The following SMAD7 variants were observed in gnomAD, a reference collection of about 807,000 sequenced individuals.
The protein encoded by SMAD7 is MAD (mothers against decapentaplegic, Drosophila) homolog 7.
A neutral mutation model predicts 38.7 loss-of-function variants in SMAD7; 8 were observed. The ratio of observed to expected loss-of-function variants is 0.21; its 90% CI spans 0.12 to 0.37. The LOEUF (loss-of-function observed/expected upper bound fraction) is 0.37, where lower values mean the gene tolerates loss of function less well. Among genes scored for constraint, SMAD7 ranks in the 10% least tolerant of loss-of-function variants. The pLI is 1.00. For synonymous variants in SMAD7, 327 were observed against 265.1 expected (o/e 1.23, Z -2.27); for missense variants, 477 against 577.9 (o/e 0.83, Z 1.79).
At position 48,920,030 on chromosome 18, in the gene SMAD7, T is replaced by A. The variant is rs2069837166; in HGVS notation, c.*1342A>T. The A allele has an allele frequency of 6.6e-6, 1 of 152,614 alleles. No homozygotes were observed. The highest frequency in any genetic ancestry group is 2.1e-4 in the South Asian group (1 of 4,836). The allele number at this position is 152,614 out of a possible 1,614,324, so 9.5% of individuals were successfully genotyped here. A position where few individuals can be genotyped will look rare whatever the true frequency, so the allele number is the denominator to read the frequency against. On this transcript the variant is annotated 3_prime_UTR_variant, in exon 4 of 4. Transcript: ENST00000262158. The stretch of plus-strand genomic sequence containing the variant: ...GCATCTTTTCTTTATTTTTCTTGTT[T>A]ATACACATTGCACAATACATAAATA...
rs2143824848 is a variant in SMAD7, at chr18:48,949,311, C to A, written c.613+501G>T. The A allele has an allele frequency of 5.1e-6, 5 of 983,066 alleles. No homozygotes were observed. The South Asian group carries it at 1.9e-4, about 37-fold the overall frequency. 60.9% of individuals were successfully genotyped at this position (983,066 alleles called of 1,614,324 possible). On this transcript the variant is annotated intron_variant, in intron 1 of 3. Coordinates refer to ENST00000262158, the MANE Select transcript of SMAD7 (RefSeq NM_005904.4). ...CGACAGTATCTGGGCCACTGGTGTTCGACGTGATTCTCCGTATTTACTAAA... is the reference window on the plus strand; with the variant it reads ...CGACAGTATCTGGGCCACTGGTGTTAGACGTGATTCTCCGTATTTACTAAA...
At chr18:48,923,684 C>T (rs934772098) in intron 3 of SMAD7, among the ~76,000 whole-genome samples, 2 of 152,146 alleles carry the variant, frequency 1.3e-5, no homozygotes, top group Non-Finnish European at 2.9e-5. Context: ...TCATTCCTTT[C>T]CCTCAACCCC....
Position 48,921,092 on chromosome 18 carries a change from T to C in SMAD7, c.*280A>G, listed in dbSNP as rs1210821055. ...CTTCATACACTGTGTTTGGTGGTGC[T>C]TGGATTTCTGCTTCCCCTCTTCCTA... On this transcript the variant is annotated 3_prime_UTR_variant, in exon 4 of 4. Coordinates refer to ENST00000262158, the MANE Select transcript of SMAD7 (RefSeq NM_005904.4). This position sits in a 1 kb window ranked among gnomAD's most constrained non-coding sequence, Gnocchi z 6.4. 8.7e-6 allele frequency: 4 copies of C among 457,646 alleles called. No individual in the cohort carries two copies. The highest frequency in any genetic ancestry group is 8.0e-5 in the South Asian group (3 of 37,456). The allele number at this position is 457,646 out of a possible 1,614,324, so 28.3% of individuals were successfully genotyped here.
chr18:48,945,473 C>G (rs928509281), intron 2 of SMAD7, among the ~76,000 whole-genome samples: 3 of 152,124 alleles, frequency 2.0e-5, no homozygotes, highest in African/African-American at 7.2e-5. Flanking sequence ...AAAAAAAGAA[C>G]ACAGCACTGC....
chr18:48,939,373 C>A, intron 3 of SMAD7, among the ~76,000 whole-genome samples: 1 of 142,670 alleles, frequency 7.0e-6, no homozygotes, highest in African/African-American at 2.6e-5. Context: ...TGTCGTCTAC[C>A]CACCCCCCCA....
chr18:48,949,141 G>T, intron 1 of SMAD7: 1 of 246,854 alleles, frequency 4.1e-6, no homozygotes, highest in Non-Finnish European at 6.5e-6. Context: ...CTGTGCGGAA[G>T]GAAGGAAAAA....
rs561511500 is a variant in SMAD7, at chr18:48,927,064, A to G, written c.743-5154T>C. On this transcript the variant is annotated intron_variant, in intron 3 of 3. Coordinates refer to ENST00000262158, the MANE Select transcript of SMAD7 (RefSeq NM_005904.4). The stretch of plus-strand genomic sequence containing the variant: ...TTTAAGGGGCTGTCTCTAATCCACC[A>G]TGCTCACAGCCTCATCCAAAAGAGG... 6.6e-5 allele frequency among the ~76,000 whole-genome samples: 10 copies of G among 152,288 alleles called. 1 individual carries two copies. The South Asian group carries it at 2.1e-3, about 32-fold the overall frequency.
intron 3 of SMAD7, among the ~76,000 whole-genome samples, chr18:48,940,509 G>A (rs2070125105): frequency 6.6e-6 from 1 of 152,176 alleles, no homozygotes; most frequent in Admixed American, 6.5e-5. Flanking sequence ...TCAGCACTTG[G>A]GGAGGAAAGG....
At chr18:48,925,126 G>T (rs924111700) in intron 3 of SMAD7, among the ~76,000 whole-genome samples, 2 of 152,242 alleles carry the variant, frequency 1.3e-5, no homozygotes, top group African/African-American at 4.8e-5. Flanking sequence ...GACTAAGGAA[G>T]AGCCTTGGCC....
At chr18:48,929,516 TTC>T (rs141923602) in intron 3 of SMAD7, among the ~76,000 whole-genome samples, 17 of 144,214 alleles carry the variant, frequency 1.2e-4, no homozygotes, top group South Asian at 2.2e-4. Flanking sequence ...TGCTGATTCA[TTC>T]TCTCTCTCTC....
rs753742300 is a variant in SMAD7 at position 48,921,333 on chromosome 18, T to C, written c.*39A>G. ...ATTAGCAGCAAAGTAGTTTGAAGTG[T>C]GGCCTGCTCAGCTCACGCTCTGTCC... On this transcript the variant is annotated 3_prime_UTR_variant, in exon 4 of 4. Coordinates refer to ENST00000262158, the MANE Select transcript of SMAD7 (RefSeq NM_005904.4). The surrounding 1 kb of genome is among the most constrained non-coding windows in gnomAD (Gnocchi z 6.4). 7 of 1,543,162 alleles carry C rather than the reference T, an allele frequency of 4.5e-6. No individual in the cohort carries two copies. In the South Asian group the frequency reaches 6.0e-5, roughly 13 times the overall value.
intron 2 of SMAD7, among the ~76,000 whole-genome samples, chr18:48,943,028 G>A (rs2070159577): frequency 6.6e-6 from 1 of 152,194 alleles, no homozygotes; most frequent in East Asian, 1.9e-4. Context: ...ATGTTGGGCT[G>A]CCGGGACTTC....
intron 3 of SMAD7, among the ~76,000 whole-genome samples, chr18:48,933,973 C>CT (rs1312969486): frequency 6.6e-6 from 1 of 152,228 alleles, no homozygotes; most frequent in Non-Finnish European, 1.5e-5. Flanking sequence ...ACACAGGTCT[C>CT]TTTCTTTCTG....
chr18:48,941,546 T>G (rs1278534183), intron 3 of SMAD7, among the ~76,000 whole-genome samples: 3 of 152,180 alleles, frequency 2.0e-5, no homozygotes, highest in East Asian at 3.9e-4. Context: ...ACAGCTTCTA[T>G]TCGAGCTGCT....
chr18:48,944,667 C>T (rs572412578), intron 2 of SMAD7, among the ~76,000 whole-genome samples: 32 of 152,334 alleles, frequency 2.1e-4, no homozygotes, highest in Middle Eastern at 3.4e-3. Context: ...TACCCTCTTT[C>T]CTGGAGGTGG....
At chr18:48,943,173 G>C (rs1181492899) in intron 2 of SMAD7, among the ~76,000 whole-genome samples, 1 of 152,082 alleles carries the variant, frequency 6.6e-6, no homozygotes, top group Admixed American at 6.5e-5. Context: ...TCTCAGCAAG[G>C]CTCCGAGCCG....
Position 48,929,565 on chromosome 18 carries a change from TCTCTCA to T in SMAD7, c.743-7661_743-7656del, listed in dbSNP as rs1200182698. 1.7e-4 allele frequency among the ~76,000 whole-genome samples: 7 copies of T among 40,200 alleles called. 1 individual carries two copies. Among genetic ancestry groups the T allele is most frequent in the African/African-American group, 4.1e-4 (6 of 14,760 alleles). The allele number at this position is 40,200 out of a possible 152,430, so 26.4% of individuals were successfully genotyped here. A position where few individuals can be genotyped will look rare whatever the true frequency, so the allele number is the denominator to read the frequency against. ...CTTTCTCTCTTTCTCTCTCTCTCTC[TCTCTCA>T]CTCACACACACACACACACACACAC... is the stretch of plus-strand genomic sequence containing the variant. On this transcript the variant is annotated intron_variant, in intron 3 of 3. Coordinates refer to ENST00000262158, the MANE Select transcript of SMAD7 (RefSeq NM_005904.4).
intron 2 of SMAD7, among the ~76,000 whole-genome samples, chr18:48,948,137 C>T (rs570561734): frequency 6.6e-6 from 1 of 152,146 alleles, no homozygotes; most frequent in African/African-American, 2.4e-5. Flanking sequence ...GCTGAGCCCA[C>T]CGGCTACACA....
intron 2 of SMAD7, among the ~76,000 whole-genome samples, chr18:48,946,984 A>G (rs2070201922): frequency 6.6e-6 from 1 of 152,150 alleles, no homozygotes; most frequent in African/African-American, 2.4e-5. Flanking sequence ...ATATGGAAGG[A>G]CAAAAAAAAC....
Sources: allele counts gnomAD v4.1 joint callset (sites outside exome capture counted in the v4.1 genomes callset), GRCh38; gene constraint gnomAD v4.1.1; non-coding constraint Gnocchi (gnomAD v3.1); transcripts MANE v1.5; gene names NCBI Gene and HGNC (gene_info 2026-07-23, HGNC 2026-07-21).